Variants in STK32B observed in about 807,000 individuals in gnomAD.
STK32B encodes serine/threonine-protein kinase 32B.
In STK32B, 43 loss-of-function variants were observed where a neutral mutation model predicts 52.6. That is an observed-to-expected ratio of 0.82 (90% CI 0.64 to 1.05). The LOEUF is 1.05. STK32B is among the 50% of genes least tolerant of loss of function. The pLI is 0.00. For synonymous variants in STK32B, 238 were observed against 204.3 expected, an observed-to-expected ratio of 1.17 and a Z score of -1.41; for missense variants, 621 against 534.6, an observed-to-expected ratio of 1.16 and a Z score of -1.59.
rs771765649 is a variant in STK32B at position 5,313,107 on chromosome 4, G to GTAA, written c.261-18112_261-18111insAAT. 8.2e-3 allele frequency among the ~76,000 whole-genome samples: 1,181 copies of GTAA among 143,532 alleles called. 10 individuals carry two copies. Among genetic ancestry groups the GTAA allele is most frequent in the Middle Eastern group, 0.014 (4 of 290 alleles). 94.2% of individuals were successfully genotyped at this position (143,532 alleles called of 152,430 possible). A position where few individuals can be genotyped will look rare whatever the true frequency, so the allele number is the denominator to read the frequency against. ...TTAGGTTGGAGCAAAAGTAATTGTG[G>GTAA]TTTTTAAAAACCACAATTACTTTTG... On this transcript the variant is annotated intron_variant, in intron 3 of 11. Transcript: ENST00000282908.
Position 5,499,224 on chromosome 4 carries a change from C to G in STK32B, c.*141C>G. On this transcript the variant is annotated 3_prime_UTR_variant, in exon 12 of 12. Transcript: ENST00000282908. The stretch of plus-strand genomic sequence containing the variant: ...AAGCCCTGGACTTGGAGCTGGGAAG[C>G]CTGGGTTCTGGTCCCATCTCCATGA... 1 of 1,257,268 alleles carries G rather than the reference C, an allele frequency of 8.0e-7. No homozygotes were observed. The highest frequency in any genetic ancestry group is 1.5e-5 in the African/African-American group (1 of 65,148). The allele number at this position is 1,257,268 out of a possible 1,614,324, so 77.9% of individuals were successfully genotyped here.
intron 1 of STK32B, among the ~76,000 whole-genome samples, chr4:5,088,177 C>A (rs1346316293): frequency 6.6e-6 from 1 of 152,034 alleles, no homozygotes; most frequent in African/African-American, 2.4e-5. Context: ...AATTAAACAG[C>A]ACATTCCTAA....
rs28475295 is a variant in STK32B, at chr4:5,396,408, A to G, written c.435-1799A>G. On this transcript the variant is annotated intron_variant, in intron 4 of 11. Transcript: ENST00000282908. This position sits in a 1 kb window ranked among gnomAD's most constrained non-coding sequence, Gnocchi z 4.7. Reference sequence around the variant, plus strand: ...GTCCTCCCTAAATCCAGGATGATTCATCTTGAGATCCTTAAGTAATTACCT... The same window carrying G: ...GTCCTCCCTAAATCCAGGATGATTCGTCTTGAGATCCTTAAGTAATTACCT... Among the ~76,000 whole-genome samples, 5,893 of 152,228 alleles carry G rather than the reference A, an allele frequency of 0.039. 183 individuals are homozygous for G. The highest frequency in any genetic ancestry group is 0.084 in the East Asian group (431 of 5,152).
rs551209562 is a variant in STK32B, at chr4:5,186,962, C to G, written c.260+18512C>G. Reference sequence around the variant, plus strand: ...GGGTCACAGGATGCACCTGCCCGCACTCCGACACTCAGGGGGCCTGTGCTG... The same window carrying G: ...GGGTCACAGGATGCACCTGCCCGCAGTCCGACACTCAGGGGGCCTGTGCTG... On this transcript the variant is annotated intron_variant, in intron 3 of 11. Coordinates refer to ENST00000282908, the MANE Select transcript of STK32B (RefSeq NM_018401.3). Among the ~76,000 whole-genome samples, 17 of 152,342 alleles carry G rather than the reference C, an allele frequency of 1.1e-4. No individual in the cohort carries two copies. The South Asian group carries it at 3.5e-3, about 32-fold the overall frequency.
At chr4:5,242,360 C>G (rs1187948083) in intron 3 of STK32B, among the ~76,000 whole-genome samples, 1 of 152,196 alleles carries the variant, frequency 6.6e-6, no homozygotes, top group Non-Finnish European at 1.5e-5. Context: ...TGTTTTTTGG[C>G]TGCATAAATG....
At chr4:5,187,001 G>T (rs1171715334) in intron 3 of STK32B, among the ~76,000 whole-genome samples, 1 of 152,218 alleles carries the variant, frequency 6.6e-6, no homozygotes, top group Admixed American at 6.5e-5. Context: ...TGTTCAGAGG[G>T]CTGCATGAGG....
intron 6 of STK32B, among the ~76,000 whole-genome samples, chr4:5,439,724 T>A (rs1714520366): frequency 6.6e-6 from 1 of 152,252 alleles, no homozygotes; most frequent in African/African-American, 2.4e-5. Context: ...TTCTAGGGTT[T>A]ATATGGTTTT....
intron 3 of STK32B, among the ~76,000 whole-genome samples, chr4:5,206,010 A>G (rs1722552807): frequency 6.6e-6 from 1 of 152,192 alleles, no homozygotes; most frequent in Admixed American, 6.5e-5. Context: ...AGTCCAGTCA[A>G]TGTGGGGCCA....
chr4:5,492,537 T>A (rs977037518), intron 11 of STK32B, among the ~76,000 whole-genome samples: 1 of 151,746 alleles, frequency 6.6e-6, no homozygotes, highest in Non-Finnish European at 1.5e-5. Flanking sequence ...ACAATTTGAC[T>A]TCCTCTTTTC....
intron 4 of STK32B, among the ~76,000 whole-genome samples, chr4:5,342,303 A>T (rs986270281): frequency 1.3e-5 from 2 of 152,210 alleles, no homozygotes; most frequent in African/African-American, 4.8e-5. Context: ...ACCAACCCAA[A>T]TATCCATCAA....
chr4:5,452,335 G>A (rs929277552), intron 7 of STK32B, among the ~76,000 whole-genome samples: 7 of 152,014 alleles, frequency 4.6e-5, no homozygotes, highest in African/African-American at 1.4e-4. Context: ...ACTGAGTACC[G>A]CTGGATGTAC....
chr4:5,304,686 T>C (rs1173945015), intron 3 of STK32B, among the ~76,000 whole-genome samples: 1 of 152,076 alleles, frequency 6.6e-6, no homozygotes, highest in African/African-American at 2.4e-5. Context: ...CTTTTTCTTA[T>C]CTGATTGTTC....
intron 1 of STK32B, among the ~76,000 whole-genome samples, chr4:5,118,477 TTTTC>T (rs1468069108): frequency 1.3e-5 from 2 of 152,146 alleles, no homozygotes; most frequent in African/African-American, 4.8e-5. Flanking sequence ...GCCCATGCAG[TTTTC>T]TGTGCTGAAC....
chr4:5,494,169 G>C (rs1452000317), intron 11 of STK32B, among the ~76,000 whole-genome samples: 1 of 152,138 alleles, frequency 6.6e-6, no homozygotes, highest in Non-Finnish European at 1.5e-5. Context: ...GTCTAATGTT[G>C]ACAGTGGGGT....
At chr4:5,157,061 G>A (rs559447605) in intron 2 of STK32B, among the ~76,000 whole-genome samples, 1 of 152,270 alleles carries the variant, frequency 6.6e-6, no homozygotes, top group Non-Finnish European at 1.5e-5. Context: ...ATCCATTTGG[G>A]AATTAGCAGG....
At chr4:5,491,452 G>C (rs1209715923) in intron 11 of STK32B, among the ~76,000 whole-genome samples, 3 of 152,064 alleles carry the variant, frequency 2.0e-5, no homozygotes, top group Non-Finnish European at 2.9e-5. Flanking sequence ...AAATTTGTTT[G>C]AGTTCATTGT....
intron 2 of STK32B, among the ~76,000 whole-genome samples, chr4:5,143,130 T>TCCGTCTGC (rs1281080684): frequency 1.4e-5 from 2 of 142,872 alleles, no homozygotes; most frequent in Admixed American, 1.5e-4. Context: ...TGTCTGTCTG[T>TCCGTCTGC]CTATCTGTCT....
At chr4:5,242,873 A>G (rs185236065) in intron 3 of STK32B, among the ~76,000 whole-genome samples, 37 of 152,326 alleles carry the variant, frequency 2.4e-4, no homozygotes, top group Admixed American at 2.4e-3. Flanking sequence ...GGTTTGTCAA[A>G]GATCAGATGG....
intron 1 of STK32B, among the ~76,000 whole-genome samples, chr4:5,068,357 A>T (rs1303626117): frequency 6.6e-6 from 1 of 152,144 alleles, no homozygotes; most frequent in East Asian, 1.9e-4. Context: ...CCCACTTATA[A>T]GTGAGAACAT....
Sources: gnomAD v4.1 joint callset for allele counts (sites outside exome capture counted in the v4.1 genomes callset) on GRCh38, gnomAD v4.1.1 for gene constraint, Gnocchi (gnomAD v3.1) non-coding constraint, MANE v1.5 for transcripts, NCBI Gene and HGNC (gene_info 2026-07-23, HGNC 2026-07-21) for gene names.